The following COL25A1 variants were observed in gnomAD, a reference collection of about 807,000 sequenced individuals.
COL25A1 encodes collagen alpha-1(XXV) chain.
A neutral mutation model predicts 128.4 loss-of-function variants in COL25A1; 103 were observed. That is an observed-to-expected ratio of 0.80 (90% CI 0.68 to 0.94). The LOEUF is 0.94. Among genes scored for constraint, COL25A1 ranks in the 40% least tolerant of loss-of-function variants. The pLI is 0.00. For synonymous variants in COL25A1, 279 were observed against 277.2 expected, an observed-to-expected ratio of 1.01 and a Z score of -0.06; for missense variants, 745 against 840.0, an observed-to-expected ratio of 0.89 and a Z score of 1.40.
rs893039544 is a variant in COL25A1 at position 109,250,535 on chromosome 4, T to C, written c.367+50048A>G. Among the ~76,000 whole-genome samples the C allele has an allele frequency of 3.9e-5, 6 of 152,166 alleles. 1 individual carries two copies. Among genetic ancestry groups the C allele is most frequent in the African/African-American group, 1.4e-4 (6 of 41,434 alleles). On this transcript the variant is annotated intron_variant, in intron 3 of 37. Coordinates refer to ENST00000399132, the MANE Select transcript of COL25A1 (RefSeq NM_198721.4). ...TAGTTTCGGTTCAAGTCTTAAGAAC[T>C]GAGAACGAAGAGAGCCAATGGTGTG...
chr4:109,225,803 A>G (rs1778761073), intron 3 of COL25A1, among the ~76,000 whole-genome samples: 1 of 152,032 alleles, frequency 6.6e-6, no homozygotes, highest in Non-Finnish European at 1.5e-5. Context: ...ACACACACAT[A>G]CAATTTCATT....
chr4:109,025,222 G>A (rs974873271), intron 5 of COL25A1, among the ~76,000 whole-genome samples: 4 of 152,154 alleles, frequency 2.6e-5, no homozygotes, highest in African/African-American at 9.7e-5. Context: ...GACATGTTTA[G>A]TAGGATACAA....
intron 19 of COL25A1, among the ~76,000 whole-genome samples, chr4:108,871,380 A>G (rs571244187): frequency 2.0e-5 from 3 of 152,262 alleles, no homozygotes; most frequent in East Asian, 3.9e-4. Flanking sequence ...CAGTGGCACA[A>G]TCTCGGCTCA....
Position 109,155,975 on chromosome 4 carries a change from ACAGT to A in COL25A1, c.368-105800_368-105797del, listed in dbSNP as rs565710933. Among the ~76,000 whole-genome samples, 55 of 152,336 alleles carry A rather than the reference ACAGT, an allele frequency of 3.6e-4. No individual in the cohort carries two copies. In the South Asian group the frequency reaches 7.7e-3, roughly 21 times the overall value. ...AAAACAAAAACTGTCTATTAGGTAC[ACAGT>A]CAGAGTAGGGCCATTTGTCAAAGGA... is the stretch of plus-strand genomic sequence containing the variant. On this transcript the variant is annotated intron_variant, in intron 3 of 37. Transcript: ENST00000399132.
At chr4:109,068,686 T>G (rs2125979322) in intron 3 of COL25A1, among the ~76,000 whole-genome samples, 1 of 152,344 alleles carries the variant, frequency 6.6e-6, no homozygotes, top group East Asian at 1.9e-4. Context: ...TATGTGATTT[T>G]CTAAATGTGG....
At chr4:109,006,839 A>G (rs147889032) in intron 6 of COL25A1, among the ~76,000 whole-genome samples, 7 of 152,336 alleles carry the variant, frequency 4.6e-5, no homozygotes, top group Non-Finnish European at 7.3e-5. Flanking sequence ...GTTCTCATTT[A>G]TAAGTGGCAA....
intron 3 of COL25A1, among the ~76,000 whole-genome samples, chr4:109,150,604 A>T (rs114472579): frequency 0.013 from 1,912 of 152,306 alleles, 47 homozygotes; most frequent in African/African-American, 0.044. Context: ...GCAGAATATA[A>T]GATAGGAAAA....
At position 109,072,852 on chromosome 4, in the gene COL25A1, C is replaced by G. The variant is rs529522164; in HGVS notation, c.368-22673G>C. On this transcript the variant is annotated intron_variant, in intron 3 of 37. Coordinates refer to ENST00000399132, the MANE Select transcript of COL25A1 (RefSeq NM_198721.4). ...GTGTTAAATCAGTTGCATAACTCTA[C>G]AGGGGGCCCACATAAAACTTTATAC... Among the ~76,000 whole-genome samples, 14 of 152,308 alleles carry G rather than the reference C, an allele frequency of 9.2e-5. 1 individual carries two copies. In the East Asian group the frequency reaches 2.5e-3, roughly 27 times the overall value.
At chr4:109,245,057 A>G (rs576241854) in intron 3 of COL25A1, among the ~76,000 whole-genome samples, 1 of 152,280 alleles carries the variant, frequency 6.6e-6, no homozygotes, top group African/African-American at 2.4e-5. Context: ...GACAAAATTT[A>G]AGAGTTCAGC....
At chr4:109,243,444 T>A (rs1037547963) in intron 3 of COL25A1, among the ~76,000 whole-genome samples, 9 of 151,862 alleles carry the variant, frequency 5.9e-5, no homozygotes, top group Non-Finnish European at 1.0e-4. Flanking sequence ...ATTTTTTTTT[T>A]AAATCCATAC....
At chr4:108,816,126 A>C (rs76891127) in intron 37 of COL25A1, among the ~76,000 whole-genome samples, 1 of 152,204 alleles carries the variant, frequency 6.6e-6, no homozygotes, top group African/African-American at 2.4e-5. Flanking sequence ...CATGAGACCC[A>C]TTTGACCCTG....
chr4:109,061,329 A>G (rs1195331625), intron 3 of COL25A1, among the ~76,000 whole-genome samples: 1 of 152,156 alleles, frequency 6.6e-6, no homozygotes, highest in African/African-American at 2.4e-5. Context: ...TGCCTTCTTC[A>G]CTATCACTAC....
rs1237345433 is a variant in COL25A1, at chr4:108,869,108, G to C, written c.1063C>G (p.Pro355Ala). Reference sequence around the variant, plus strand: ...CTTACTTTTGTTCCTGGTAAACCTGGTAAGCCTGGTTCTCCTTGAGGACCA... The same window carrying C: ...CTTACTTTTGTTCCTGGTAAACCTGCTAAGCCTGGTTCTCCTTGAGGACCA... ...FIGPQGEPGLPGLPGTKGERG... is the reference protein window; with the variant it reads ...FIGPQGEPGLAGLPGTKGERG... The change falls in exon 20 of 38, where the codon CCA becomes GCA. Residue 355 changes from proline to alanine, a missense_variant. This residue lies in a region of COL25A1 where 387 missense variants were observed against 441.9 expected (regional missense o/e 0.88). Transcript: ENST00000399132. 1.3e-6 allele frequency: 2 copies of C among 1,563,568 alleles called. No individual in the cohort carries two copies. Among genetic ancestry groups the C allele is most frequent in the Non-Finnish European group, 1.7e-6 (2 of 1,159,912 alleles).
chr4:109,038,808 T>C (rs753519455), intron 5 of COL25A1, among the ~76,000 whole-genome samples: 5 of 152,188 alleles, frequency 3.3e-5, no homozygotes, highest in Non-Finnish European at 5.9e-5. Context: ...AGTGTCCCCC[T>C]CTGCCCCCAC....
intron 3 of COL25A1, among the ~76,000 whole-genome samples, chr4:109,122,232 A>G (rs1768167001): frequency 6.6e-6 from 1 of 152,024 alleles, no homozygotes; most frequent in Non-Finnish European, 1.5e-5. Flanking sequence ...AAACCCACAG[A>G]ATGTCCAGTG....
At chr4:109,264,646 T>C (rs1560951355) in intron 3 of COL25A1, among the ~76,000 whole-genome samples, 1 of 152,176 alleles carries the variant, frequency 6.6e-6, no homozygotes, top group African/African-American at 2.4e-5. Flanking sequence ...AAGAGCAGAT[T>C]CAGTGGGGAA....
chr4:109,202,225 G>T (rs1776608740), intron 3 of COL25A1, among the ~76,000 whole-genome samples: 1 of 152,040 alleles, frequency 6.6e-6, no homozygotes, highest in Non-Finnish European at 1.5e-5. Context: ...TTACTATAAA[G>T]CCAGAGTTAT....
intron 8 of COL25A1, among the ~76,000 whole-genome samples, chr4:108,966,850 TAAAAGAAAAGAAAG>T (rs369169155): frequency 1.2e-3 from 164 of 133,182 alleles, no homozygotes; most frequent in African/African-American, 4.5e-3. Context: ...GACCCTGTCT[TAAAAGAAAAGAAAG>T]AAAAGAAAAG....
chr4:108,883,394 AC>A (rs1740375129), intron 19 of COL25A1, among the ~76,000 whole-genome samples: 2 of 152,198 alleles, frequency 1.3e-5, no homozygotes, highest in Non-Finnish European at 2.9e-5. Flanking sequence ...GATGAGAACA[AC>A]AAAAGAAAAT....
Sources: gnomAD v4.1 joint callset for allele counts (sites outside exome capture counted in the v4.1 genomes callset) on GRCh38, gnomAD v4.1.1 for gene constraint, gnomAD v4.1.1 regional missense constraint, MANE v1.5 for transcripts, NCBI Gene and HGNC (gene_info 2026-07-23, HGNC 2026-07-21) for gene names.